OPCML: variants seen among roughly 807,000 people sequenced by gnomAD.
OPCML encodes the protein opioid-binding protein/cell adhesion molecule.
OPCML carries 13 observed loss-of-function variants against 37.8 expected under a neutral mutation model. That is an observed-to-expected ratio of 0.34 (90% CI 0.22 to 0.55). OPCML has a LOEUF of 0.55. Among genes scored for constraint, OPCML ranks in the 20% least tolerant of loss-of-function variants. The probability of loss-of-function intolerance (pLI) is 0.91; values close to 1 mark genes in which losing one functional copy is unlikely to be tolerated. For synonymous variants in OPCML, 176 were observed against 168.8 expected, an observed-to-expected ratio of 1.04 and a Z score of -0.33; for missense variants, 341 against 435.6, an observed-to-expected ratio of 0.78 and a Z score of 1.93.
At chr11:132,905,225 CTTTTTTTTTTTTT>C (rs373679886) in intron 2 of OPCML, among the ~76,000 whole-genome samples, 3 of 88,366 alleles carry the variant, frequency 3.4e-5, no homozygotes, top group Admixed American at 1.4e-4. Context: ...GAAAGCAGTT[CTTTTTTTTTTTTT>C]TTTTTTTTTT....
intron 2 of OPCML, among the ~76,000 whole-genome samples, chr11:132,868,953 G>A (rs1041872523): frequency 6.6e-6 from 1 of 152,206 alleles, no homozygotes; most frequent in Non-Finnish European, 1.5e-5. Flanking sequence ...GTGCTGCCCA[G>A]AGGATGCGCC....
At chr11:132,922,526 G>T (rs1283483581) in intron 2 of OPCML, among the ~76,000 whole-genome samples, 2 of 151,954 alleles carry the variant, frequency 1.3e-5, no homozygotes, top group Non-Finnish European at 2.9e-5. Context: ...GAGGAGGGCG[G>T]CAGAGTGGCT....
At chr11:132,657,561 T>A (rs1941769775) in intron 2 of OPCML, 1 of 395,108 alleles carries the variant, frequency 2.5e-6, no homozygotes, top group African/African-American at 2.2e-5. Flanking sequence ...ATTATGTATC[T>A]TTGCCATCCA....
In OPCML at chr11:133,206,852, G is replaced by A. The variant is rs951813964; in HGVS notation, c.62-263842C>T. On this transcript the variant is annotated intron_variant, in intron 1 of 7. Coordinates refer to ENST00000524381, the MANE Select transcript of OPCML (RefSeq NM_001012393.5). This position sits in a 1 kb window ranked among gnomAD's most constrained non-coding sequence, Gnocchi z 4.7. Reference sequence around the variant, plus strand: ...ACTCTCACGATGTCCACACAGCTACGGTGACCTATTCATGTCTTAGGACGG... The same window carrying A: ...ACTCTCACGATGTCCACACAGCTACAGTGACCTATTCATGTCTTAGGACGG... Among the ~76,000 whole-genome samples, 10 of 152,166 alleles carry A rather than the reference G, an allele frequency of 6.6e-5. No individual in the cohort carries two copies. Among genetic ancestry groups the A allele is most frequent in the African/African-American group, 2.4e-4 (10 of 41,438 alleles).
At chr11:133,192,090 G>A (rs924043250) in intron 1 of OPCML, among the ~76,000 whole-genome samples, 1 of 152,220 alleles carries the variant, frequency 6.6e-6, no homozygotes, top group African/African-American at 2.4e-5. Flanking sequence ...CTCAATAAAT[G>A]TTGGTTGCAG....
chr11:132,900,682 G>T (rs1179376898), intron 2 of OPCML, among the ~76,000 whole-genome samples: 1 of 152,060 alleles, frequency 6.6e-6, no homozygotes, highest in East Asian at 1.9e-4. Flanking sequence ...TCTCCTTCCT[G>T]CCCTATGGGC....
At chr11:133,437,364 C>A (rs138785752) in intron 1 of OPCML, among the ~76,000 whole-genome samples, 12 of 152,248 alleles carry the variant, frequency 7.9e-5, no homozygotes, top group Non-Finnish European at 1.5e-4. Context: ...CTGGGCATCA[C>A]CTTTTTGGCT....
Position 132,417,634 on chromosome 11 carries a change from A to G in OPCML, c.*2559T>C, listed in dbSNP as rs1284718147. 6.6e-6 allele frequency: 1 copy of G among 152,170 alleles called. No homozygotes were observed. The highest frequency in any genetic ancestry group is 1.9e-4 in the East Asian group (1 of 5,192). 9.4% of individuals were successfully genotyped at this position (152,170 alleles called of 1,614,324 possible). A position where few individuals can be genotyped will look rare whatever the true frequency, so the allele number is the denominator to read the frequency against. ...AGTGAGGAATAGGTCCAGCTTGTCCATTTCAAGCACTGTGTTCTCCAAGAC... is the reference window on the plus strand; with the variant it reads ...AGTGAGGAATAGGTCCAGCTTGTCCGTTTCAAGCACTGTGTTCTCCAAGAC... On this transcript the variant is annotated 3_prime_UTR_variant, in exon 8 of 8. Transcript: ENST00000524381.
intron 1 of OPCML, among the ~76,000 whole-genome samples, chr11:133,505,572 G>A (rs1057235196): frequency 2.6e-5 from 4 of 152,126 alleles, no homozygotes; most frequent in African/African-American, 9.7e-5. Flanking sequence ...TGACACCTCA[G>A]ACTTCATCCC....
intron 1 of OPCML, chr11:133,422,262 TG>T: frequency 1.0e-6 from 1 of 984,898 alleles, no homozygotes; most frequent in East Asian, 1.1e-4. Flanking sequence ...TTTTGACAAG[TG>T]TGTCGTGGGA....
At chr11:132,504,981 T>C (rs1467476125) in intron 4 of OPCML, among the ~76,000 whole-genome samples, 1 of 152,034 alleles carries the variant, frequency 6.6e-6, no homozygotes, top group Non-Finnish European at 1.5e-5. Flanking sequence ...CCCCAAGCCC[T>C]AAATTATTCA....
chr11:132,894,599 T>A (rs1300516553), intron 2 of OPCML, among the ~76,000 whole-genome samples: 1 of 152,166 alleles, frequency 6.6e-6, no homozygotes, highest in Non-Finnish European at 1.5e-5. Context: ...GTAAGGGAGT[T>A]TCCAGAGGAG....
At chr11:132,702,716 G>T (rs1255818108) in intron 2 of OPCML, among the ~76,000 whole-genome samples, 6 of 151,990 alleles carry the variant, frequency 3.9e-5, no homozygotes, top group Non-Finnish European at 5.9e-5. Context: ...CTCACTCGAT[G>T]GTGTCCCATA....
intron 1 of OPCML, among the ~76,000 whole-genome samples, chr11:133,271,758 C>A (rs1941842728): frequency 1.3e-5 from 2 of 152,150 alleles, no homozygotes; most frequent in African/African-American, 4.8e-5. Flanking sequence ...CAGAAGTATG[C>A]CAGCATAAAA....
At chr11:132,997,562 G>A (rs148912692) in intron 1 of OPCML, among the ~76,000 whole-genome samples, 149 of 151,866 alleles carry the variant, frequency 9.8e-4, no homozygotes, top group African/African-American at 3.0e-3. Context: ...CATCCACGCC[G>A]CAATGCTGGG....
At chr11:133,060,424 C>T (rs1487974029) in intron 1 of OPCML, among the ~76,000 whole-genome samples, 1 of 152,202 alleles carries the variant, frequency 6.6e-6, no homozygotes, top group Non-Finnish European at 1.5e-5. Context: ...TACATATAGT[C>T]ACATGTAGAA....
chr11:132,660,625 G>A (rs1941928109), intron 2 of OPCML, among the ~76,000 whole-genome samples: 1 of 152,072 alleles, frequency 6.6e-6, no homozygotes, highest in African/African-American at 2.4e-5. Context: ...ATTTTAATAT[G>A]CTAAATCACC....
intron 2 of OPCML, among the ~76,000 whole-genome samples, chr11:132,899,986 G>T (rs1943992431): frequency 6.6e-6 from 1 of 152,042 alleles, no homozygotes; most frequent in Admixed American, 6.6e-5. Flanking sequence ...GCATTCCAGG[G>T]TCCCCCATAT....
At chr11:132,551,752 T>A (rs181430893) in intron 3 of OPCML, among the ~76,000 whole-genome samples, 1 of 152,258 alleles carries the variant, frequency 6.6e-6, no homozygotes, top group African/African-American at 2.4e-5. Flanking sequence ...ACTGGCCTTC[T>A]CCCACCCACC....
Sources: allele counts gnomAD v4.1 joint callset (sites outside exome capture counted in the v4.1 genomes callset), GRCh38; gene constraint gnomAD v4.1.1; non-coding constraint Gnocchi (gnomAD v3.1); transcripts MANE v1.5; gene names NCBI Gene and HGNC (gene_info 2026-07-23, HGNC 2026-07-21).